MYBL2: variants seen among roughly 807,000 people sequenced by gnomAD.
MYBL2 encodes the protein myb-related protein B.
A neutral mutation model predicts 79.9 loss-of-function variants in MYBL2; 28 were observed. The ratio of observed to expected loss-of-function variants is 0.35; its 90% CI spans 0.26 to 0.48. The LOEUF is 0.48. MYBL2 is among the 20% of genes least tolerant of loss of function. The probability of loss-of-function intolerance (pLI) is 0.99; values close to 1 mark genes in which losing one functional copy is unlikely to be tolerated. For missense variants in MYBL2, 735 were observed against 893.9 expected, an observed-to-expected ratio of 0.82 and a Z score of 2.27; for synonymous variants, 378 against 361.2, an observed-to-expected ratio of 1.05 and a Z score of -0.53.
At chr20:43,696,898 T>G (rs1255152890) in intron 6 of MYBL2, among the ~76,000 whole-genome samples, 1 of 152,302 alleles carries the variant, frequency 6.6e-6, no homozygotes. Flanking sequence ...AGCTAATTTT[T>G]GTATTTTTAG....
At chr20:43,705,474 A>G in intron 9 of MYBL2, 116 bp downstream of exon 9, 1 of 1,228,658 alleles carries the variant, frequency 8.1e-7, no homozygotes, top group Admixed American at 3.8e-5. Context: ...ATAACACTGA[A>G]GACTGTTTTA....
intron 9 of MYBL2, among the ~76,000 whole-genome samples, chr20:43,706,780 A>G (rs867512256): frequency 3.1e-5 from 4 of 130,746 alleles, no homozygotes; most frequent in Non-Finnish European, 6.2e-5. Context: ...CAGTGGTGCA[A>G]TCTCGGCTCA....
In MYBL2 at chr20:43,706,719, G is replaced by GTTTTTTTTTTTTTTTTT. The variant is rs71193702; in HGVS notation, c.1505+1375_1505+1376insTTTTTTTTTTTTTTTTT. 4.0e-3 allele frequency among the ~76,000 whole-genome samples: 284 copies of GTTTTTTTTTTTTTTTTT among 70,732 alleles called. 54 individuals are homozygous for GTTTTTTTTTTTTTTTTT. Among genetic ancestry groups the GTTTTTTTTTTTTTTTTT allele is most frequent in the Middle Eastern group, 0.012 (1 of 82 alleles). The allele number at this position is 70,732 out of a possible 152,430, so 46.4% of individuals were successfully genotyped here. On this transcript the variant is annotated intron_variant, in intron 9 of 13. Coordinates refer to ENST00000217026, the MANE Select transcript of MYBL2 (RefSeq NM_002466.4). ...CTGTCTGTACACAAAAAAAAAAAAA[G>GTTTTTTTTTTTTTTTTT]TTTTTTTTTTTTTTGAGATGGAGTC...
At chr20:43,679,355 T>C (rs1369471840) in intron 2 of MYBL2, among the ~76,000 whole-genome samples, 1 of 152,236 alleles carries the variant, frequency 6.6e-6, no homozygotes, top group Non-Finnish European at 1.5e-5. Flanking sequence ...TCACTTTAAA[T>C]TTATCCCCTT....
chr20:43,715,406 C>T lies in MYBL2; in HGVS notation c.1974+123C>T, dbSNP rs377185021. On this transcript the variant is annotated intron_variant, in intron 13 of 13. Transcript: ENST00000217026. ...TCTTAGCTCAGGGCCTTTGCATAGG[C>T]TGTTCCTCTGCCTGGGTGCTTTTCC... is the stretch of plus-strand genomic sequence containing the variant. The T allele has an allele frequency of 1.5e-4, 214 of 1,469,854 alleles. No homozygotes were observed. The African/African-American group carries it at 2.7e-3, about 18-fold the overall frequency. The allele number at this position is 1,469,854 out of a possible 1,614,324, so 91.1% of individuals were successfully genotyped here. A position where few individuals can be genotyped will look rare whatever the true frequency, so the allele number is the denominator to read the frequency against.
intron 7 of MYBL2, 112 bp from the exon 8 acceptor site, chr20:43,702,378 T>C (rs1987691814): frequency 3.5e-6 from 4 of 1,150,742 alleles, no homozygotes; most frequent in Non-Finnish European, 4.9e-6. Flanking sequence ...ATATTAATGA[T>C]TGGTCCTGGG....
chr20:43,692,637 A>C (rs1987440731), intron 6 of MYBL2, among the ~76,000 whole-genome samples: 1 of 152,146 alleles, frequency 6.6e-6, no homozygotes, highest in African/African-American at 2.4e-5. Context: ...TGTTTGCAAT[A>C]AAAAAATCAG....
In MYBL2 at chr20:43,709,107, T is replaced by G. The variant is rs566888725; in HGVS notation, c.1506-856T>G. Among the ~76,000 whole-genome samples the G allele has an allele frequency of 2.6e-5, 4 of 152,330 alleles. No individual in the cohort carries two copies. The East Asian group carries it at 7.7e-4, about 29-fold the overall frequency. ...TGGAGGCGGCGAGGCCCCAGGCTGCTGTTTCTAGGAGTTGGCCTCATCACC... is the reference window on the plus strand; with the variant it reads ...TGGAGGCGGCGAGGCCCCAGGCTGCGGTTTCTAGGAGTTGGCCTCATCACC... On this transcript the variant is annotated intron_variant, in intron 9 of 13. Transcript: ENST00000217026.
chr20:43,702,780 G>A lies in MYBL2; in HGVS notation c.1242G>A (p.Arg414=). ...CGCCCTCTGTGCTCAAGCGGCAGAG[G>A]AAGAGGCGTGTGGCTCTGTCCCCTG... The part of the protein sequence containing the change: ...GTPPSVLKRQ[R]KRRVALSPVT... Residue 414 remains arginine (R), a synonymous_variant, in exon 8 of 14, where the codon AGG becomes AGA. Transcript: ENST00000217026. 1 of 1,614,196 alleles carries A rather than the reference G, an allele frequency of 6.2e-7. No individual in the cohort carries two copies. Among genetic ancestry groups the A allele is most frequent in the Non-Finnish European group, 8.5e-7 (1 of 1,180,046 alleles).
Position 43,702,736 on chromosome 20 carries a change from G to T in MYBL2, c.1198G>T (p.Gly400Cys), listed in dbSNP as rs1468448974. Residue 400 changes from glycine (G) to cysteine (C), a missense_variant, in exon 8 of 14, where the codon GGC becomes TGC. Physicochemically the swap from Gly to Cys is radical, Grantham distance 159 (BLOSUM62 -3). Coordinates refer to ENST00000217026, the MANE Select transcript of MYBL2 (RefSeq NM_002466.4). ...IPISPSTEVG[G>C]SGIGTPPSVL... ...CATCTCCCCCAGCACTGAAGTCGGG[G>T]GCTCTGGCATTGGCACACCGCCCTC... 1.2e-6 allele frequency: 2 copies of T among 1,614,094 alleles called. No homozygotes were observed. Among genetic ancestry groups the T allele is most frequent in the African/African-American group, 1.3e-5 (1 of 75,044 alleles).
At chr20:43,684,975 C>G (rs568916318) in intron 4 of MYBL2, among the ~76,000 whole-genome samples, 2 of 151,260 alleles carry the variant, frequency 1.3e-5, no homozygotes, top group South Asian at 2.1e-4. Context: ...GGCGAAACCC[C>G]GTCTCTACTA....
At chr20:43,704,412 C>A (rs184065333) in intron 8 of MYBL2, among the ~76,000 whole-genome samples, 1 of 152,260 alleles carries the variant, frequency 6.6e-6, no homozygotes, top group East Asian at 1.9e-4. Flanking sequence ...TTGGGGGAGA[C>A]ACAGGTCAGC....
chr20:43,673,561 C>T (rs826949), intron 1 of MYBL2: 420,481 of 552,142 alleles, frequency 0.76, 166,992 homozygotes, highest in Non-Finnish European at 0.83. Flanking sequence ...CATTTGAGTC[C>T]AGGAGTTCAA....
At chr20:43,680,515 G>A (rs915259762) in intron 2 of MYBL2, among the ~76,000 whole-genome samples, 9 of 151,622 alleles carry the variant, frequency 5.9e-5, no homozygotes, top group Non-Finnish European at 8.8e-5. Context: ...TGTTTGAGAT[G>A]GAGTCTCACT....
chr20:43,702,422 C>T (rs1054181146), intron 7 of MYBL2, 68 bp from the exon 8 acceptor site: 26 of 1,468,768 alleles, frequency 1.8e-5, no homozygotes, highest in Admixed American at 4.1e-5. Context: ...AAATATTTCC[C>T]GTAATGAATG....
chr20:43,706,719 G>GTTTTTTTGTTTTTT (rs1987791707), intron 9 of MYBL2, among the ~76,000 whole-genome samples: 13 of 70,782 alleles, frequency 1.8e-4, no homozygotes, highest in African/African-American at 7.2e-4. Flanking sequence ...AAAAAAAAAA[G>GTTTTTTTGTTTTTT]TTTTTTTTTT....
At chr20:43,693,827 G>GAT (rs1320315951) in intron 6 of MYBL2, among the ~76,000 whole-genome samples, 2 of 152,024 alleles carry the variant, frequency 1.3e-5, no homozygotes, top group Non-Finnish European at 2.9e-5. Flanking sequence ...AAGGCTTTTG[G>GAT]ATCTCTTGAG....
rs1568880731 is a variant in MYBL2, at chr20:43,711,522, A to G, written c.1640A>G (p.Glu547Gly). The G allele has an allele frequency of 6.2e-7, 1 of 1,613,676 alleles. No homozygotes were observed. Among genetic ancestry groups the G allele is most frequent in the East Asian group, 2.2e-5 (1 of 44,856 alleles). Residue 547 changes from glutamate (E) to glycine (G), a missense_variant, in exon 11 of 14, where the codon GAG becomes GGG. Glu to Gly is a moderately conservative substitution (Grantham distance 98, BLOSUM62 -2). Transcript: ENST00000217026. ...QTPHLEEDLKEVLRSEAGIEL... is the reference protein window; with the variant it reads ...QTPHLEEDLKGVLRSEAGIEL... ...CCGCACCTGGAGGAGGACTTGAAGG[A>G]GGTGCTGCGTTCTGAGGCTGGCATC...
At chr20:43,699,064 G>A (rs1403861974) in intron 6 of MYBL2, among the ~76,000 whole-genome samples, 2 of 151,956 alleles carry the variant, frequency 1.3e-5, no homozygotes, top group Non-Finnish European at 2.9e-5. Flanking sequence ...TTGAGACAGA[G>A]TTTTGCTCTT....
Sources: gnomAD v4.1 joint callset for allele counts (sites outside exome capture counted in the v4.1 genomes callset) on GRCh38, gnomAD v4.1.1 for gene constraint, MANE v1.5 for transcripts, NCBI Gene and HGNC (gene_info 2026-07-23, HGNC 2026-07-21) for gene names.